The following PPRC1 variants were observed in gnomAD, a reference collection of about 807,000 sequenced individuals.
The protein encoded by PPRC1 is PPARG related coactivator 1.
PPRC1 carries 23 observed loss-of-function variants against 132.5 expected under a neutral mutation model. The observed-to-expected ratio is 0.17, with a 90% CI of 0.12 to 0.25. PPRC1 has a LOEUF of 0.25. PPRC1 is among the 10% of genes least tolerant of loss of function. The pLI, the probability that PPRC1 is intolerant of heterozygous loss-of-function variation, is 1.00. For missense variants in PPRC1, 2,006 were observed against 2,089.1 expected, an observed-to-expected ratio of 0.96 and a Z score of 0.78; for synonymous variants, 872 against 833.5, an observed-to-expected ratio of 1.05 and a Z score of -0.80.
chr10:102,122,044 G>C, the PPRC1 span, among the ~76,000 whole-genome samples: 5 of 152,242 alleles, frequency 3.3e-5, no homozygotes, highest in African/African-American at 7.2e-5. Context: ...TAGGATGGGG[G>C]ATAGGGGAGC....
In PPRC1 at chr10:102,140,618, G is replaced by T. The variant is rs1564941273; in HGVS notation, c.2110G>T (p.Gly704Cys). 14 of 1,614,030 alleles carry T rather than the reference G, an allele frequency of 8.7e-6. No individual in the cohort carries two copies. Among genetic ancestry groups the T allele is most frequent in the African/African-American group, 1.3e-5 (1 of 74,988 alleles). Residue 704 changes from glycine to cysteine, a missense_variant, in exon 5 of 14, where the codon GGT becomes TGT. Gly to Cys is a radical substitution (Grantham distance 159, BLOSUM62 -3). This residue lies in a region of PPRC1 where 1,914 missense variants were observed against 1,917.2 expected (regional missense o/e 1.00). Coordinates refer to ENST00000278070, the MANE Select transcript of PPRC1 (RefSeq NM_015062.5). The stretch of plus-strand genomic sequence containing the variant: ...TGGTGCAGTGTCATCAGCCCTGGGG[G>T]GTTCAGCACCCCAGCTCCTCGTGGA... ...RRGAVSSALG[G>C]SAPQLLVESE... is the part of the protein sequence containing the mutation.
At chr10:102,144,866 T>C in intron 7 of PPRC1, 154 bp from the exon 8 acceptor site, 2 of 652,458 alleles carry the variant, frequency 3.1e-6, no homozygotes, top group Non-Finnish European at 5.3e-6. Flanking sequence ...GTTCAGTCAA[T>C]AAGACCCTTT....
chr10:102,143,964 A>G (rs1231228745), intron 6 of PPRC1, among the ~76,000 whole-genome samples: 5 of 152,192 alleles, frequency 3.3e-5, no homozygotes, highest in Non-Finnish European at 7.3e-5. Context: ...TGAGGCCAGG[A>G]AGCTAGTTAG....
At position 102,141,071 on chromosome 10, in the gene PPRC1, T is replaced by G. The variant is rs551219629; in HGVS notation, c.2563T>G (p.Leu855Val). The change falls in exon 5 of 14, where the codon TTG becomes GTG. Residue 855 changes from leucine to valine, a missense_variant. Physicochemically the swap from Leu to Val is conservative, Grantham distance 32 (BLOSUM62 1). Around this residue, in one of 2 missense-constraint regions of PPRC1, gnomAD observed 1,914 missense variants for 1,917.2 expected, o/e 1.00. Coordinates refer to ENST00000278070, the MANE Select transcript of PPRC1 (RefSeq NM_015062.5). ...EQVPSQEMPL[L>V]ARPSPPVQSV... ...GGTGCCATCCCAGGAGATGCCACTG[T>G]TGGCGAGACCTTCCCCTCCTGTGCA... 14 of 1,614,172 alleles carry G rather than the reference T, an allele frequency of 8.7e-6. No individual in the cohort carries two copies. In the Admixed American group the frequency reaches 2.0e-4, roughly 23 times the overall value.
At chr10:102,130,342 G>A (rs1272812309), upstream of PPRC1, among the ~76,000 whole-genome samples, 6 of 149,890 alleles carry the variant, frequency 4.0e-5, no homozygotes, top group Admixed American at 6.7e-5. Context: ...GCATGAACCC[G>A]GGAGGCAGAG....
At chr10:102,120,445 C>CCGCCCTCGCGCTCGCG in the PPRC1 span, 2 of 968,470 alleles carry the variant, frequency 2.1e-6, no homozygotes, top group African/African-American at 3.5e-5. Context: ...GCCCCCCTCT[C>CCGCCCTCGCGCTCGCG]CGCCCTCGCG....
At chr10:102,146,262 C>T (rs2069241486) in intron 8 of PPRC1, among the ~76,000 whole-genome samples, 1 of 152,156 alleles carries the variant, frequency 6.6e-6, no homozygotes, top group African/African-American at 2.4e-5. Flanking sequence ...TTGGGTGCTC[C>T]ATCTAGCAGG....
rs2068790508 is a variant in PPRC1, at chr10:102,138,035, A to G, written c.339A>G (p.Gly113=). The G allele has an allele frequency of 6.2e-7, 1 of 1,613,234 alleles. No individual in the cohort carries two copies. The highest frequency in any genetic ancestry group is 1.1e-5 in the South Asian group (1 of 90,998). The change falls in exon 2 of 14, where the codon GGA becomes GGG. Residue 113 remains glycine, a synonymous_variant. Coordinates refer to ENST00000278070, the MANE Select transcript of PPRC1 (RefSeq NM_015062.5). ...TCATTGAGGATTTTGGGAGCCTTGGAGAGGTGAGCTGGGGCTGGACTCTGA... is the reference window on the plus strand; with the variant it reads ...TCATTGAGGATTTTGGGAGCCTTGGGGAGGTGAGCTGGGGCTGGACTCTGA... ...ISLIEDFGSL[G]ESRLSLEDQN...
At chr10:102,145,951 A>G (rs527651903) in intron 8 of PPRC1, among the ~76,000 whole-genome samples, 6 of 152,292 alleles carry the variant, frequency 3.9e-5, no homozygotes, top group African/African-American at 1.4e-4. Flanking sequence ...TATAGAAACT[A>G]ATCCCCTAAG....
chr10:102,132,126 C>T (rs1032868243), upstream of PPRC1, among the ~76,000 whole-genome samples: 3 of 152,172 alleles, frequency 2.0e-5, no homozygotes, highest in Non-Finnish European at 2.9e-5. Flanking sequence ...AAAAAAGCGT[C>T]AATGAATACA....
chr10:102,126,381 C>A, the PPRC1 span, among the ~76,000 whole-genome samples: 1 of 150,710 alleles, frequency 6.6e-6, no homozygotes, highest in African/African-American at 2.4e-5. Flanking sequence ...AAACAGACAG[C>A]AGATGATATA....
rs373884821 is a variant in PPRC1 at position 102,147,265 on chromosome 10, C to T, written c.4273C>T (p.Arg1425Cys). 8.4e-5 allele frequency: 135 copies of T among 1,612,908 alleles called. 1 individual carries two copies. In the South Asian group the frequency reaches 9.6e-4, roughly 11 times the overall value. The change falls in exon 9 of 14, where the codon CGC becomes TGC. Residue 1425 changes from arginine to cysteine, a missense_variant. Transcript: ENST00000278070. ...CCAGGGCTGGCAGGGCCGCCGAGGCCGCAACAGCCGTTCTGTCAGCTCTGG... is the reference window on the plus strand; with the variant it reads ...CCAGGGCTGGCAGGGCCGCCGAGGCTGCAACAGCCGTTCTGTCAGCTCTGG... The part of the protein sequence containing the change: ...SSQGWQGRRG[R>C]NSRSVSSGSN...
intron 9 of PPRC1, among the ~76,000 whole-genome samples, chr10:102,147,926 A>G (rs1440736810): frequency 6.6e-6 from 1 of 152,030 alleles, no homozygotes; most frequent in Non-Finnish European, 1.5e-5. Context: ...ACTGGCCCAT[A>G]CTACAAGTCT....
the PPRC1 span, among the ~76,000 whole-genome samples, chr10:102,121,954 A>T: frequency 6.6e-6 from 1 of 152,136 alleles, no homozygotes; most frequent in Non-Finnish European, 1.5e-5. Flanking sequence ...CTGAGGGAGC[A>T]TGAAATGATG....
At chr10:102,132,998 T>C (rs746458890), upstream of PPRC1, 44 of 1,234,320 alleles carry the variant, frequency 3.6e-5, no homozygotes, top group Non-Finnish European at 4.4e-5. Context: ...GGAGTTGTAG[T>C]TCCTTTCCCA....
chr10:102,140,976 G>A lies in PPRC1; in HGVS notation c.2468G>A (p.Gly823Asp), dbSNP rs1221332950. The change falls in exon 5 of 14, where the codon GGT (glycine) becomes GAT (aspartate). Residue 823 changes from glycine (G) to aspartate (D), a missense_variant. By Grantham distance (94) the Gly-to-Asp change is moderately conservative. This residue lies in a region of PPRC1 where 1,914 missense variants were observed against 1,917.2 expected (regional missense o/e 1.00). Transcript: ENST00000278070. The stretch of plus-strand genomic sequence containing the variant: ...CTTGAGATTTGCCTTGTGCCTGTAG[G>A]TCCCAGCCCTGCTTCTCCTAGTCCT... The part of the protein sequence containing the change: ...TPLEICLVPV[G>D]PSPASPSPEP... 6.2e-7 allele frequency: 1 copy of A among 1,613,984 alleles called. No individual in the cohort carries two copies. Among genetic ancestry groups the A allele is most frequent in the Admixed American group, 1.7e-5 (1 of 60,016 alleles).
intron 7 of PPRC1, 32 bp downstream of exon 7, chr10:102,144,339 C>G (rs1229284089): frequency 6.2e-7 from 1 of 1,603,660 alleles, no homozygotes; most frequent in African/African-American, 1.3e-5. Flanking sequence ...AGTTACCCTA[C>G]AGCTGTTAGT....
chr10:102,126,935 A>G, the PPRC1 span, among the ~76,000 whole-genome samples: 1 of 150,676 alleles, frequency 6.6e-6, no homozygotes, highest in East Asian at 2.0e-4. Flanking sequence ...AGAAATTCCC[A>G]GGAAACTTGT....
At chr10:102,136,610 TTTA>T (rs2068732145) in intron 1 of PPRC1, among the ~76,000 whole-genome samples, 2 of 152,294 alleles carry the variant, frequency 1.3e-5, no homozygotes, top group East Asian at 1.9e-4. Flanking sequence ...TTTAATCTAT[TTTA>T]TTATTAATTT....
Sources: gnomAD v4.1 joint callset for allele counts (sites outside exome capture counted in the v4.1 genomes callset) on GRCh38, gnomAD v4.1.1 for gene constraint, gnomAD v4.1.1 regional missense constraint, MANE v1.5 for transcripts, NCBI Gene and HGNC (gene_info 2026-07-23, HGNC 2026-07-21) for gene names.